The following TICRR variants were observed in gnomAD, a reference collection of about 807,000 sequenced individuals.
TICRR encodes the protein TOPBP1 interacting checkpoint and replication regulator, also known as treslin.
A neutral mutation model predicts 178.1 loss-of-function variants in TICRR; 132 were observed. The ratio of observed to expected loss-of-function variants is 0.74; its 90% CI spans 0.64 to 0.86. The LOEUF is 0.86. Ranked by LOEUF, TICRR falls within the 40% of genes least tolerant of loss-of-function variation. The pLI, the probability that TICRR is intolerant of heterozygous loss-of-function variation, is 0.00. For synonymous variants in TICRR, 991 were observed against 900.7 expected, an observed-to-expected ratio of 1.10 and a Z score of -1.79; for missense variants, 2,587 against 2,334.3, an observed-to-expected ratio of 1.11 and a Z score of -2.23.
chr15:89,592,298 A>G (rs1005620179), intron 5 of TICRR, 122 bp downstream of exon 5: 48 of 715,892 alleles, frequency 6.7e-5, no homozygotes, highest in Non-Finnish European at 1.0e-4. Flanking sequence ...AGTAGTTACA[A>G]AAATAAAATA....
chr15:89,618,617 C>T (rs545301949), intron 17 of TICRR, among the ~76,000 whole-genome samples: 2 of 152,084 alleles, frequency 1.3e-5, no homozygotes, highest in South Asian at 2.1e-4. Flanking sequence ...ATTCCGTGCC[C>T]CCAACACACA....
rs1369141216 is a variant in TICRR at position 89,614,701 on chromosome 15, ATTGT to A, written c.2870-1701_2870-1698del. ...CACCCCAACCCTGCCAGGATTTGTT[ATTGT>A]TTTTGTTTAGTCACTTTTCTAAACT... On this transcript the variant is annotated intron_variant, in intron 15 of 21. Coordinates refer to ENST00000268138, the MANE Select transcript of TICRR (RefSeq NM_152259.4). Among the ~76,000 whole-genome samples the A allele has an allele frequency of 3.0e-4, 46 of 152,096 alleles. 1 individual carries two copies. Among genetic ancestry groups the A allele is most frequent in the Non-Finnish European group, 1.3e-4 (9 of 68,014 alleles).
chr15:89,600,488 TTA>T, intron 8 of TICRR, 95 bp from the exon 9 acceptor site: 2 of 523,940 alleles, frequency 3.8e-6, no homozygotes, highest in Non-Finnish European at 6.7e-6. Flanking sequence ...ATAGAGAAGT[TTA>T]TAAGGGAATA....
chr15:89,576,281 C>G, intron 1 of TICRR, 41 bp downstream of exon 1: 1 of 1,487,884 alleles, frequency 6.7e-7, no homozygotes, highest in Non-Finnish European at 8.9e-7. Flanking sequence ...GTGCACGGTG[C>G]TTTCCTTGCT....
chr15:89,595,270 A>G (rs1962977979), intron 6 of TICRR, 123 bp from the exon 7 acceptor site: 1 of 710,484 alleles, frequency 1.4e-6, no homozygotes, highest in Non-Finnish European at 2.4e-6. Flanking sequence ...TCCTAATTCA[A>G]ATCATTCTGG....
At chr15:89,578,659 T>TCTC (rs200230945) in intron 1 of TICRR, among the ~76,000 whole-genome samples, 1 of 130,216 alleles carries the variant, frequency 7.7e-6, no homozygotes, top group East Asian at 2.0e-4. Context: ...TCTCTCTCTC[T>TCTC]TTTTTTTTTT....
intron 12 of TICRR, 60 bp from the exon 13 acceptor site, chr15:89,602,736 T>C: frequency 1.2e-6 from 1 of 810,590 alleles, no homozygotes; most frequent in Non-Finnish European, 1.7e-6. Flanking sequence ...CCAGTTCCAT[T>C]TGAATTTAAC....
At chr15:89,578,722 G>A (rs1194803842) in intron 1 of TICRR, among the ~76,000 whole-genome samples, 1 of 151,626 alleles carries the variant, frequency 6.6e-6, no homozygotes, top group Non-Finnish European at 1.5e-5. Context: ...ATCCCTTCCA[G>A]GTCTGATGTA....
chr15:89,598,360 A>ATTGTTTGT (rs34292283), intron 7 of TICRR, among the ~76,000 whole-genome samples: 26 of 150,930 alleles, frequency 1.7e-4, no homozygotes, highest in Admixed American at 1.7e-3. Flanking sequence ...CTACCTTTAA[A>ATTGTTTGT]TTGTTTGTTT....
chr15:89,582,756 T>C lies in TICRR; in HGVS notation c.725T>C (p.Val242Ala), dbSNP rs762550316. The change falls in exon 2 of 22, where the codon GTC becomes GCC. Residue 242 changes from valine (V) to alanine (A), a missense_variant. Val to Ala is a moderately conservative substitution (Grantham distance 64, BLOSUM62 0). Coordinates refer to ENST00000268138, the MANE Select transcript of TICRR (RefSeq NM_152259.4). ...CTGCTCCACCACGGAGGTGGCACTGTCTTGCCATCTGAATCTTTCAGCTGG... is the reference window on the plus strand; with the variant it reads ...CTGCTCCACCACGGAGGTGGCACTGCCTTGCCATCTGAATCTTTCAGCTGG... ...CELLHHGGGT[V>A]LPSESFSWDF... 1 of 1,614,172 alleles carries C rather than the reference T, an allele frequency of 6.2e-7. No homozygotes were observed.
At chr15:89,625,911 C>T in intron 20 of TICRR, 25 bp from the exon 21 acceptor site, 2 of 1,549,166 alleles carry the variant, frequency 1.3e-6, no homozygotes, top group East Asian at 4.5e-5. Context: ...GGGGACGCTG[C>T]TCTTACTATG....
At position 89,577,599 on chromosome 15, in the gene TICRR, C is replaced by CTTTTTTTTTTTTT. The variant is rs71151513; in HGVS notation, c.654+1374_654+1386dup. ...ATACAGAGTGGTAGTGAGGGAAGGC[C>CTTTTTTTTTTTTT]TTTTTTTTTTTTTTTTTTTTTTTTT... is the stretch of plus-strand genomic sequence containing the variant. On this transcript the variant is annotated intron_variant, in intron 1 of 21. Coordinates refer to ENST00000268138, the MANE Select transcript of TICRR (RefSeq NM_152259.4). Among the ~76,000 whole-genome samples, 28 of 60,872 alleles carry CTTTTTTTTTTTTT rather than the reference C, an allele frequency of 4.6e-4. 1 individual carries two copies. The highest frequency in any genetic ancestry group is 2.2e-3 in the African/African-American group (28 of 12,956). 39.9% of individuals were successfully genotyped at this position (60,872 alleles called of 152,430 possible). A position where few individuals can be genotyped will look rare whatever the true frequency, so the allele number is the denominator to read the frequency against.
intron 1 of TICRR, among the ~76,000 whole-genome samples, chr15:89,577,599 CTTTTT>C (rs71151513): frequency 4.4e-4 from 27 of 60,874 alleles, no homozygotes; most frequent in African/African-American, 2.0e-3. Flanking sequence ...GAGGGAAGGC[CTTTTT>C]TTTTTTTTTT....
At chr15:89,606,361 C>A (rs560463312) in intron 13 of TICRR, among the ~76,000 whole-genome samples, 1 of 152,256 alleles carries the variant, frequency 6.6e-6, no homozygotes, top group African/African-American at 2.4e-5. Flanking sequence ...CTGGTTAGCA[C>A]CCCACATCCA....
chr15:89,603,550 A>G (rs1282574129), intron 13 of TICRR, among the ~76,000 whole-genome samples: 2 of 152,230 alleles, frequency 1.3e-5, no homozygotes, highest in Non-Finnish European at 2.9e-5. Flanking sequence ...GTGCCACTGC[A>G]CTCCAGCCTG....
At chr15:89,593,728 T>C (rs894306023) in intron 5 of TICRR, among the ~76,000 whole-genome samples, 1 of 152,210 alleles carries the variant, frequency 6.6e-6, no homozygotes, top group East Asian at 1.9e-4. Context: ...TGCTTCATAT[T>C]GGCTATATGA....
chr15:89,608,838 G>T lies in TICRR; in HGVS notation c.2758G>T (p.Glu920Ter). Reference protein sequence around the residue: ...TKVRRNLFNQELLSPSKRSLK... With the variant: ...TKVRRNLFNQ Reference sequence around the variant, plus strand: ...AGTTCGAAGAAATCTTTTCAACCAGGAATTGCTTTCCCCTTCAAAGAGATC... The same window carrying T: ...AGTTCGAAGAAATCTTTTCAACCAGTAATTGCTTTCCCCTTCAAAGAGATC... The change falls in exon 15 of 22, where the codon GAA becomes TAA. Residue 920 changes from glutamate (E) to a stop codon, truncating the protein, a stop_gained. Transcript: ENST00000268138. LOFTEE classifies it high-confidence loss of function. The T allele has an allele frequency of 6.2e-7, 1 of 1,603,850 alleles. No homozygotes were observed. The highest frequency in any genetic ancestry group is 8.5e-7 in the Non-Finnish European group (1 of 1,176,464).
In TICRR at chr15:89,576,321, G is replaced by A. The variant is rs1051050542; in HGVS notation, c.654+81G>A. 6.1e-6 allele frequency: 8 copies of A among 1,311,074 alleles called. No individual in the cohort carries two copies. In the Admixed American group the frequency reaches 2.3e-4, roughly 37 times the overall value. The allele number at this position is 1,311,074 out of a possible 1,614,324, so 81.2% of individuals were successfully genotyped here. On this transcript the variant is annotated intron_variant, in intron 1 of 21. Coordinates refer to ENST00000268138, the MANE Select transcript of TICRR (RefSeq NM_152259.4). ...AGAACTTGGCAGCGTCCTTAGAACA[G>A]CCACAGACCCCGAATGAGACTAATA...
In TICRR at chr15:89,623,668, A is replaced by G; in HGVS notation, c.3358A>G (p.Thr1120Ala). 6.2e-7 allele frequency: 1 copy of G among 1,611,862 alleles called. No homozygotes were observed. Among genetic ancestry groups the G allele is most frequent in the Non-Finnish European group, 8.5e-7 (1 of 1,179,402 alleles). Residue 1120 changes from threonine to alanine, a missense_variant, in exon 20 of 22, where the codon ACA (threonine) becomes GCA (alanine). Thr to Ala is a moderately conservative substitution (Grantham distance 58, BLOSUM62 0). Coordinates refer to ENST00000268138, the MANE Select transcript of TICRR (RefSeq NM_152259.4). Reference sequence around the variant, plus strand: ...GAAATCTCTGAGCTTTTCTAAAACTACACCAAGAAGGATCTCTCATACACC... The same window carrying G: ...GAAATCTCTGAGCTTTTCTAAAACTGCACCAAGAAGGATCTCTCATACACC... Reference protein sequence around the residue: ...HQKSLSFSKTTPRRISHTPQT... With the variant: ...HQKSLSFSKTAPRRISHTPQT...
Sources: allele counts gnomAD v4.1 joint callset (sites outside exome capture counted in the v4.1 genomes callset), GRCh38; gene constraint gnomAD v4.1.1; transcripts MANE v1.5; gene names NCBI Gene and HGNC (gene_info 2026-07-23, HGNC 2026-07-21).